The following ZC3H14 variants were observed in gnomAD, a reference collection of about 807,000 sequenced individuals.
The protein encoded by ZC3H14 is zinc finger CCCH-type containing 14, also known as zinc finger CCCH domain-containing protein 14.
ZC3H14 carries 31 observed loss-of-function variants against 92.4 expected under a neutral mutation model. That is an observed-to-expected ratio of 0.34 (90% confidence interval 0.25 to 0.45). The LOEUF is 0.45. ZC3H14 is among the 20% of genes least tolerant of loss of function. ZC3H14 has a pLI of 1.00. For missense variants in ZC3H14, 781 were observed against 897.3 expected (o/e 0.87, Z 1.66); for synonymous variants, 321 against 300.9 (o/e 1.07, Z -0.69).
intron 10 of ZC3H14, among the ~76,000 whole-genome samples, chr14:88,599,988 C>T (rs1476116788): frequency 1.3e-5 from 2 of 152,230 alleles, no homozygotes; most frequent in Non-Finnish European, 2.9e-5. Flanking sequence ...ATGTTAAACA[C>T]TTCTGTCACC....
intron 1 of ZC3H14, 78 bp downstream of exon 1, chr14:88,563,247 GC>G: frequency 6.4e-7 from 1 of 1,554,712 alleles, no homozygotes. Flanking sequence ...GGGACTGTGG[GC>G]CCGGGTGGAC....
chr14:88,589,285 C>T (rs957754769), intron 9 of ZC3H14: 4 of 152,100 alleles, frequency 2.6e-5, no homozygotes, highest in African/African-American at 4.8e-5. Flanking sequence ...TGCTTACACT[C>T]CTACTGGTTG....
chr14:88,622,048 G>A lies in ZC3H14; in HGVS notation c.*10297G>A, dbSNP rs534128319. On this transcript the variant is annotated 3_prime_UTR_variant, in exon 17 of 17. Transcript: ENST00000251038. ...ATCCCCCTCCCCCTCCCCCTTGTCC[G>A]CCTCCAGTAACCACTATTCTACTCT... The A allele has an allele frequency of 3.5e-4, 104 of 300,354 alleles. 1 individual carries two copies. Among genetic ancestry groups the A allele is most frequent in the African/African-American group, 6.1e-4 (24 of 39,206 alleles). The allele number at this position is 300,354 out of a possible 1,614,324, so 18.6% of individuals were successfully genotyped here. A position where few individuals can be genotyped will look rare whatever the true frequency, so the allele number is the denominator to read the frequency against.
intron 7 of ZC3H14, among the ~76,000 whole-genome samples, chr14:88,575,274 T>C (rs758338098): frequency 3.9e-5 from 6 of 152,160 alleles, no homozygotes; most frequent in Non-Finnish European, 8.8e-5. Context: ...GACTTTTCCA[T>C]TGGGTTTTGA....
At position 88,616,960 on chromosome 14, in the gene ZC3H14, A is replaced by C; in HGVS notation, c.*5209A>C. The C allele has an allele frequency of 7.5e-7, 1 of 1,329,124 alleles. No individual in the cohort carries two copies. The highest frequency in any genetic ancestry group is 1.1e-6 in the Non-Finnish European group (1 of 945,470). The allele number at this position is 1,329,124 out of a possible 1,614,324, so 82.3% of individuals were successfully genotyped here. A position where few individuals can be genotyped will look rare whatever the true frequency, so the allele number is the denominator to read the frequency against. On this transcript the variant is annotated 3_prime_UTR_variant, in exon 17 of 17. Transcript: ENST00000251038. ...TATTCAAAAAGTTTCTTGGCAATTA[A>C]TCTCTAAGTACCCTATCATGTTACT...
At position 88,596,708 on chromosome 14, in the gene ZC3H14, G is replaced by T. The variant is rs1223913643; in HGVS notation, c.1280-26G>T. The T allele has an allele frequency of 1.9e-6, 3 of 1,602,240 alleles. No individual in the cohort carries two copies. In the East Asian group the frequency reaches 6.7e-5, roughly 36 times the overall value. On this transcript the variant is annotated intron_variant, in intron 9 of 16. Coordinates refer to ENST00000251038, the MANE Select transcript of ZC3H14 (RefSeq NM_024824.5). ...TGGTATTGTCTGTGTTGTAAGCTTA[G>T]TGAAGTTTTAAAATTTATATTCTAG...
intron 11 of ZC3H14, 136 bp downstream of exon 11, chr14:88,602,219 GAATA>G: frequency 8.5e-7 from 1 of 1,181,674 alleles, no homozygotes; most frequent in Non-Finnish European, 1.2e-6. Context: ...GCTAGCCCAT[GAATA>G]GTTAGCCAAA....
At chr14:88,574,997 C>G in intron 7 of ZC3H14, 144 bp downstream of exon 7, 1 of 1,286,456 alleles carries the variant, frequency 7.8e-7, no homozygotes, top group South Asian at 1.3e-5. Context: ...AGTGCAGTGC[C>G]ACGATCTCGG....
At chr14:88,571,205 GA>G in intron 4 of ZC3H14, 81 bp downstream of exon 4, 1 of 1,269,628 alleles carries the variant, frequency 7.9e-7, no homozygotes, top group Non-Finnish European at 1.1e-6. Flanking sequence ...AGTGCTTTGG[GA>G]AAAACCCATC....
intron 10 of ZC3H14, among the ~76,000 whole-genome samples, chr14:88,600,032 C>T (rs1357844562): frequency 6.6e-6 from 1 of 152,262 alleles, no homozygotes; most frequent in African/African-American, 2.4e-5. Context: ...TTTCTGTCCC[C>T]CCACCTACAG....
chr14:88,574,701 C>T lies in ZC3H14; in HGVS notation c.870C>T (p.Asn290=), dbSNP rs759096125. The change falls in exon 7 of 17, where the codon AAC becomes AAT. Residue 290 remains asparagine (N), a synonymous_variant. Transcript: ENST00000251038. ...ATTTTATCTGATTGCAGGATGAAAA[C>T]TTTCGGAAGAGAAAGTTGCCTGTGG... ...NSEKMSMEDE[N]FRKRKLPVVS... 1.2e-6 allele frequency: 2 copies of T among 1,613,932 alleles called. No individual in the cohort carries two copies. The highest frequency in any genetic ancestry group is 2.2e-5 in the South Asian group (2 of 91,060).
Position 88,585,939 on chromosome 14 carries a change from C to T in ZC3H14, c.1279+7799C>T, listed in dbSNP as rs192500624. ...ATCCCAGCACTTTGGGAGGCTGAGG[C>T]GGGTGGATCACCTGAGGTCAGGAGT... is the stretch of plus-strand genomic sequence containing the variant. On this transcript the variant is annotated intron_variant, in intron 9 of 16. Transcript: ENST00000251038. Among the ~76,000 whole-genome samples the T allele has an allele frequency of 3.6e-3, 542 of 152,208 alleles. 3 individuals carry two copies. The highest frequency in any genetic ancestry group is 0.012 in the African/African-American group (518 of 41,540).
chr14:88,609,204 A>G (rs1243120853), intron 13 of ZC3H14, 63 bp from the exon 14 acceptor site: 2 of 1,606,396 alleles, frequency 1.2e-6, no homozygotes, highest in African/African-American at 2.7e-5. Flanking sequence ...GAGCCCTTAT[A>G]CACAGAACTA....
chr14:88,574,871 G>C lies in ZC3H14; in HGVS notation c.1022+18G>C. ...GAAAGGAGGTACCTTGAACATGGCTGTAAATTAATCTTTAACTGCCTTGGT... is the reference window on the plus strand; with the variant it reads ...GAAAGGAGGTACCTTGAACATGGCTCTAAATTAATCTTTAACTGCCTTGGT... On this transcript the variant is annotated intron_variant, in intron 7 of 16. Transcript: ENST00000251038. 1.9e-6 allele frequency: 3 copies of C among 1,614,092 alleles called. No individual in the cohort carries two copies. Among genetic ancestry groups the C allele is most frequent in the Non-Finnish European group, 2.5e-6 (3 of 1,179,956 alleles).
rs947642079 is a variant in ZC3H14 at position 88,620,059 on chromosome 14, G to A, written c.*8308G>A. 6.6e-6 allele frequency: 1 copy of A among 152,236 alleles called. No individual in the cohort carries two copies. The highest frequency in any genetic ancestry group is 1.5e-5 in the Non-Finnish European group (1 of 68,052). The allele number at this position is 152,236 out of a possible 1,614,324, so 9.4% of individuals were successfully genotyped here. A position where few individuals can be genotyped will look rare whatever the true frequency, so the allele number is the denominator to read the frequency against. On this transcript the variant is annotated 3_prime_UTR_variant, in exon 17 of 17. Coordinates refer to ENST00000251038, the MANE Select transcript of ZC3H14 (RefSeq NM_024824.5). This position sits in a 1 kb window ranked among gnomAD's most constrained non-coding sequence, Gnocchi z 4.3. ...TTCAGTCTCTTGAAATGGCCCATGA[G>A]TCTTACTGAGGTACGATAGAGACAT... is the stretch of plus-strand genomic sequence containing the variant.
chr14:88,600,556 C>G (rs1439715041), intron 10 of ZC3H14, among the ~76,000 whole-genome samples: 1 of 152,100 alleles, frequency 6.6e-6, no homozygotes, highest in African/African-American at 2.4e-5. Flanking sequence ...CTTCTCCCAC[C>G]TCAGCCTCCC....
intron 9 of ZC3H14, among the ~76,000 whole-genome samples, chr14:88,592,786 C>G (rs1263135541): frequency 6.6e-6 from 1 of 151,964 alleles, no homozygotes; most frequent in Non-Finnish European, 1.5e-5. Flanking sequence ...CAGGTGTGGG[C>G]CTCTGTGCCA....
intron 15 of ZC3H14, 140 bp from the exon 16 acceptor site, chr14:88,610,694 C>A: frequency 1.3e-6 from 1 of 774,936 alleles, no homozygotes; most frequent in Non-Finnish European, 2.2e-6. Context: ...GTCCCAGCTA[C>A]TCGGGAGACT....
rs552263041 is a variant in ZC3H14, at chr14:88,571,041, T to C, written c.195-43T>C. The C allele has an allele frequency of 2.6e-5, 38 of 1,471,152 alleles. No homozygotes were observed. The African/African-American group carries it at 5.0e-4, about 19-fold the overall frequency. The allele number at this position is 1,471,152 out of a possible 1,614,324, so 91.1% of individuals were successfully genotyped here. ...AGAGTGACAGTTGAAATGAAATCTT[T>C]CTTAACAGAAGGTTTATTTTTGTTT... On this transcript the variant is annotated intron_variant, in intron 3 of 16. Coordinates refer to ENST00000251038, the MANE Select transcript of ZC3H14 (RefSeq NM_024824.5).
Sources: allele counts gnomAD v4.1 joint callset (sites outside exome capture counted in the v4.1 genomes callset), GRCh38; gene constraint gnomAD v4.1.1; non-coding constraint Gnocchi (gnomAD v3.1); transcripts MANE v1.5; gene names NCBI Gene and HGNC (gene_info 2026-07-23, HGNC 2026-07-21).